Variants in LAMA3 observed in about 807,000 individuals in gnomAD.
The protein encoded by LAMA3 is laminin subunit alpha-3.
A neutral mutation model predicts 402.0 loss-of-function variants in LAMA3; 281 were observed. The observed-to-expected ratio is 0.70, with a 90% CI of 0.63 to 0.77. The LOEUF (loss-of-function observed/expected upper bound fraction) is 0.77, where lower values mean the gene tolerates loss of function less well. Among genes scored for constraint, LAMA3 ranks in the 30% least tolerant of loss-of-function variants. LAMA3 has a pLI of 0.00. For missense variants in LAMA3, 3,840 were observed against 4,215.5 expected (o/e 0.91, Z 2.47); for synonymous variants, 1,431 against 1,558.4 (o/e 0.92, Z 1.93).
rs567516231 is a variant in LAMA3, at chr18:23,782,554, A to G, written c.1469-1469A>G. Among the ~76,000 whole-genome samples the G allele has an allele frequency of 9.2e-5, 14 of 152,264 alleles. No homozygotes were observed. In the East Asian group the frequency reaches 2.5e-3, roughly 27 times the overall value. On this transcript the variant is annotated intron_variant, in intron 11 of 74. Coordinates refer to ENST00000313654, the MANE Select transcript of LAMA3 (RefSeq NM_198129.4). ...GGCGATAGAATGAAACTCTGTCTAA[A>G]ATAAATAAATAAATAAATAAAAAGA...
intron 32 of LAMA3, among the ~76,000 whole-genome samples, chr18:23,855,485 G>A (rs2064054265): frequency 6.6e-6 from 1 of 152,178 alleles, no homozygotes; most frequent in Non-Finnish European, 1.5e-5. Context: ...CCAGAAATAA[G>A]GAATCAGCTG....
In LAMA3 at chr18:23,689,889, G is replaced by A; in HGVS notation, c.206G>A (p.Arg69Lys). 6.5e-7 allele frequency: 1 copy of A among 1,540,672 alleles called. No individual in the cohort carries two copies. Among genetic ancestry groups the A allele is most frequent in the South Asian group, 1.2e-5 (1 of 82,532 alleles). ...TGGGCCACCGCCACCTGCGGGGAGA[G>A]GGGACCCGGCGAGGGGAGGCCCCAG... is the stretch of plus-strand genomic sequence containing the variant. ...RIWATATCGE[R>K]GPGEGRPQPE... Residue 69 changes from arginine (R) to lysine (K), a missense_variant, in exon 1 of 75, where the codon AGG (arginine) becomes AAG (lysine). Physicochemically the swap from Arg to Lys is conservative, Grantham distance 26. Transcript: ENST00000313654.
chr18:23,789,705 TA>T (rs1568185972), intron 12 of LAMA3, among the ~76,000 whole-genome samples: 1 of 152,176 alleles, frequency 6.6e-6, no homozygotes, highest in Non-Finnish European at 1.5e-5. Context: ...GGATTTCTTT[TA>T]GGGGGAACGA....
intron 29 of LAMA3, 35 bp downstream of exon 29, chr18:23,842,785 A>G (rs1217680869): frequency 1.2e-6 from 2 of 1,613,570 alleles, no homozygotes; most frequent in African/African-American, 1.3e-5. Flanking sequence ...TGCTCCTCAC[A>G]TGCCTGCCTG....
chr18:23,812,613 T>C (rs1353954257), intron 13 of LAMA3, among the ~76,000 whole-genome samples: 1 of 152,220 alleles, frequency 6.6e-6, no homozygotes, highest in Non-Finnish European at 1.5e-5. Context: ...AACAAACCAA[T>C]TGATTTTATA....
intron 40 of LAMA3, among the ~76,000 whole-genome samples, chr18:23,883,329 C>T (rs977768480): frequency 6.6e-6 from 1 of 152,118 alleles, no homozygotes; most frequent in Non-Finnish European, 1.5e-5. Flanking sequence ...CAAGGTAACC[C>T]CCTCTCTCCT....
At chr18:23,779,904 C>T (rs2062401941) in intron 11 of LAMA3, among the ~76,000 whole-genome samples, 1 of 152,164 alleles carries the variant, frequency 6.6e-6, no homozygotes, top group African/African-American at 2.4e-5. Flanking sequence ...AACCATGGTG[C>T]TGTGCATTAT....
intron 20 of LAMA3, among the ~76,000 whole-genome samples, chr18:23,824,154 G>A (rs2063337083): frequency 1.3e-5 from 2 of 152,148 alleles, no homozygotes; most frequent in African/African-American, 4.8e-5. Context: ...CTGTTTACAA[G>A]TATTAATATA....
At chr18:23,846,151 G>T (rs1213241533) in intron 30 of LAMA3, 146 bp from the exon 31 acceptor site, 1 of 838,440 alleles carries the variant, frequency 1.2e-6, no homozygotes, top group African/African-American at 1.7e-5. Flanking sequence ...AGTCTGAGGT[G>T]GGGTATTTCC....
At chr18:23,807,457 A>AGTGTGTGTGT (rs35332291) in intron 12 of LAMA3, among the ~76,000 whole-genome samples, 9 of 149,082 alleles carry the variant, frequency 6.0e-5, no homozygotes, top group African/African-American at 2.0e-4. Context: ...ATATTGTGTG[A>AGTGTGTGTGT]GTGTGTGTGT....
At chr18:23,877,140 C>T (rs928432245) in intron 39 of LAMA3, among the ~76,000 whole-genome samples, 6 of 152,130 alleles carry the variant, frequency 3.9e-5, no homozygotes, top group African/African-American at 1.2e-4. Context: ...TGAGGGAGGT[C>T]GTGGGGAAGG....
intron 30 of LAMA3, 146 bp from the exon 31 acceptor site, chr18:23,846,150 TG>T: frequency 2.4e-6 from 2 of 827,492 alleles, no homozygotes; most frequent in Non-Finnish European, 2.1e-6. Context: ...GAGTCTGAGG[TG>T]GGGTATTTCC....
At chr18:23,773,681 A>T in intron 9 of LAMA3, 94 bp downstream of exon 9, 1 of 771,176 alleles carries the variant, frequency 1.3e-6, no homozygotes, top group Non-Finnish European at 2.3e-6. Flanking sequence ...AACTTCCTTC[A>T]TGCCCTCTCT....
intron 32 of LAMA3, among the ~76,000 whole-genome samples, chr18:23,849,694 T>C (rs549454149): frequency 6.6e-6 from 1 of 152,334 alleles, no homozygotes; most frequent in South Asian, 2.1e-4. Flanking sequence ...GATAATTTAA[T>C]AGACTGGAAT....
chr18:23,937,588 A>C (rs1270921067), intron 67 of LAMA3, among the ~76,000 whole-genome samples: 1 of 152,088 alleles, frequency 6.6e-6, no homozygotes, highest in Non-Finnish European at 1.5e-5. Flanking sequence ...TGCCATTAAG[A>C]GAATTAAGGG....
chr18:23,930,478 C>T (rs865847039), intron 64 of LAMA3, among the ~76,000 whole-genome samples: 3 of 152,042 alleles, frequency 2.0e-5, no homozygotes, highest in East Asian at 1.9e-4. Flanking sequence ...CTGGGCATGA[C>T]GGCTCACACC....
intron 18 of LAMA3, among the ~76,000 whole-genome samples, chr18:23,818,130 G>A (rs1310109371): frequency 6.6e-6 from 1 of 152,186 alleles, no homozygotes; most frequent in Non-Finnish European, 1.5e-5. Flanking sequence ...ACTCCAGCCT[G>A]GGTGACAGAG....
At position 23,790,910 on chromosome 18, in the gene LAMA3, A is replaced by T. The variant is rs554018478; in HGVS notation, c.1603+6753A>T. On this transcript the variant is annotated intron_variant, in intron 12 of 74. Transcript: ENST00000313654. The stretch of plus-strand genomic sequence containing the variant: ...TTTTATCTTTTTTTTTTTTTTTAAG[A>T]CAGAGTCTCGCTCTGTCACCCAGGC... Among the ~76,000 whole-genome samples the T allele has an allele frequency of 5.3e-4, 80 of 150,960 alleles. 2 individuals carry two copies. The South Asian group carries it at 0.015, about 29-fold the overall frequency.
intron 72 of LAMA3, among the ~76,000 whole-genome samples, chr18:23,950,965 C>T (rs900695809): frequency 6.6e-6 from 1 of 152,160 alleles, no homozygotes; most frequent in Non-Finnish European, 1.5e-5. Context: ...CAAATCAAGA[C>T]CCGATGACCT....
Sources: gnomAD v4.1 joint callset for allele counts (sites outside exome capture counted in the v4.1 genomes callset) on GRCh38, gnomAD v4.1.1 for gene constraint, MANE v1.5 for transcripts, NCBI Gene and HGNC (gene_info 2026-07-23, HGNC 2026-07-21) for gene names.